HSD11B1: variants seen among roughly 807,000 people sequenced by gnomAD.
HSD11B1 encodes 11-beta-hydroxysteroid dehydrogenase 1.
Under a neutral mutation model 22.1 loss-of-function variants are expected in HSD11B1, and 15 were observed. That is an observed-to-expected ratio of 0.68 (90% CI 0.45 to 1.04). The LOEUF (loss-of-function observed/expected upper bound fraction) is 1.04. HSD11B1 is among the 50% of genes least tolerant of loss of function. HSD11B1 has a pLI of 0.00. For missense variants in HSD11B1, 281 were observed against 357.6 expected (o/e 0.79, Z 1.73); for synonymous variants, 122 against 125.2 (o/e 0.97, Z 0.17).
chr1:209,720,791 A>AT (rs367719396), intron 4 of HSD11B1, among the ~76,000 whole-genome samples: 110 of 152,264 alleles, frequency 7.2e-4, no homozygotes, highest in African/African-American at 2.3e-3. Context: ...TAACATGGAT[A>AT]TGTCAGTATT....
intron 4 of HSD11B1, among the ~76,000 whole-genome samples, chr1:209,721,047 G>A (rs1461305148): frequency 6.6e-6 from 1 of 152,194 alleles, no homozygotes; most frequent in African/African-American, 2.4e-5. Flanking sequence ...GGAAAGTAGA[G>A]ATTGTGATGT....
chr1:209,717,355 G>A (rs578190408), intron 4 of HSD11B1, among the ~76,000 whole-genome samples: 1 of 152,102 alleles, frequency 6.6e-6, no homozygotes, highest in Admixed American at 6.5e-5. Flanking sequence ...ACTACTATGA[G>A]ATATCATCTT....
chr1:209,734,511 T>A lies in HSD11B1; in HGVS notation c.869T>A (p.Ile290Lys). 3.7e-6 allele frequency: 6 copies of A among 1,613,000 alleles called. No homozygotes were observed. The highest frequency in any genetic ancestry group is 5.1e-6 in the Non-Finnish European group (6 of 1,179,148). ...YSTSYNMDRF[I>K]NK ...ACGAGCTATAATATGGACAGATTCATAAACAAGTAGGAACTCCCTGAGGGC... is the reference window on the plus strand; with the variant it reads ...ACGAGCTATAATATGGACAGATTCAAAAACAAGTAGGAACTCCCTGAGGGC... Residue 290 changes from isoleucine (I) to lysine (K), a missense_variant, in exon 6 of 6, where the codon ATA becomes AAA. Physicochemically the swap from Ile to Lys is moderately radical, Grantham distance 102 (BLOSUM62 -3). Coordinates refer to ENST00000367027, the MANE Select transcript of HSD11B1 (RefSeq NM_005525.4).
chr1:209,693,775 C>A (rs1412260130), intron 1 of HSD11B1, among the ~76,000 whole-genome samples: 9 of 152,344 alleles, frequency 5.9e-5, no homozygotes, highest in African/African-American at 2.2e-4. Context: ...TCTTTCAGAT[C>A]TCCATGCTTC....
chr1:209,709,313 A>C (rs1310468294), intron 4 of HSD11B1, among the ~76,000 whole-genome samples: 1 of 152,206 alleles, frequency 6.6e-6, no homozygotes, highest in Admixed American at 6.5e-5. Context: ...CCTCTGTAGC[A>C]TTAACAGAGA....
At chr1:209,701,543 T>C (rs919945757), upstream of HSD11B1, among the ~76,000 whole-genome samples, 1 of 152,170 alleles carries the variant, frequency 6.6e-6, no homozygotes, top group Non-Finnish European at 1.5e-5. Context: ...CCTCTCCTGT[T>C]TCAACGTTGC....
chr1:209,723,998 A>G (rs1216727735), intron 4 of HSD11B1: 2 of 152,110 alleles, frequency 1.3e-5, no homozygotes, highest in African/African-American at 2.4e-5. Flanking sequence ...GGGCCCTGGG[A>G]ATACAGTGGG....
intron 4 of HSD11B1, among the ~76,000 whole-genome samples, chr1:209,731,689 T>C (rs2077036700): frequency 6.6e-6 from 1 of 152,148 alleles, no homozygotes; most frequent in Non-Finnish European, 1.5e-5. Flanking sequence ...AAAAAGCGGC[T>C]TTGGGTAGAA....
intron 4 of HSD11B1, among the ~76,000 whole-genome samples, chr1:209,715,894 C>T (rs1457460257): frequency 3.9e-5 from 6 of 152,124 alleles, no homozygotes; most frequent in Admixed American, 3.3e-4. Context: ...AAAGTACTAC[C>T]CTGTGCAACA....
intron 4 of HSD11B1, among the ~76,000 whole-genome samples, chr1:209,710,470 C>T (rs940107654): frequency 1.3e-5 from 2 of 152,184 alleles, no homozygotes; most frequent in African/African-American, 2.4e-5. Flanking sequence ...CAGAACTCAC[C>T]AGAGCCATTT....
At chr1:209,697,707 A>T (rs1181757199) in intron 1 of HSD11B1, among the ~76,000 whole-genome samples, 2 of 152,008 alleles carry the variant, frequency 1.3e-5, no homozygotes, top group Non-Finnish European at 2.9e-5. Context: ...CACTTTGGTA[A>T]AGGTAGACCA....
In HSD11B1 at chr1:209,723,378, T is replaced by A. The variant is rs538463830; in HGVS notation, c.518-9058T>A. Reference sequence around the variant, plus strand: ...TGAGCACATACACTGGCACATTTTTTAAAAAAAACTGGCAGTCTAACAAGT... The same window carrying A: ...TGAGCACATACACTGGCACATTTTTAAAAAAAAACTGGCAGTCTAACAAGT... On this transcript the variant is annotated intron_variant, in intron 4 of 5. Coordinates refer to ENST00000367027, the MANE Select transcript of HSD11B1 (RefSeq NM_005525.4). Among the ~76,000 whole-genome samples, 157 of 152,124 alleles carry A rather than the reference T, an allele frequency of 1.0e-3. 1 individual carries two copies. Among genetic ancestry groups the A allele is most frequent in the Middle Eastern group, 3.4e-3 (1 of 294 alleles).
chr1:209,721,396 T>A (rs1168274785), intron 4 of HSD11B1, among the ~76,000 whole-genome samples: 2 of 145,648 alleles, frequency 1.4e-5, no homozygotes, highest in Non-Finnish European at 1.5e-5. Flanking sequence ...CTCAAATGGC[T>A]CAGCAGAAAA....
chr1:209,695,724 T>C (rs2076786836), intron 1 of HSD11B1, among the ~76,000 whole-genome samples: 1 of 152,170 alleles, frequency 6.6e-6, no homozygotes, highest in Non-Finnish European at 1.5e-5. Context: ...GGAGAATCGC[T>C]TGAACCTGGG....
intron 4 of HSD11B1, among the ~76,000 whole-genome samples, chr1:209,731,575 C>G (rs1286258760): frequency 6.6e-6 from 1 of 152,184 alleles, no homozygotes; most frequent in Non-Finnish European, 1.5e-5. Context: ...CTACTCTCCC[C>G]TCCTAAAAAG....
chr1:209,728,140 T>C (rs949397515), intron 4 of HSD11B1, among the ~76,000 whole-genome samples: 4 of 152,254 alleles, frequency 2.6e-5, no homozygotes, highest in African/African-American at 4.8e-5. Flanking sequence ...TCCTTCATAG[T>C]ATATGCCTCC....
upstream of HSD11B1, among the ~76,000 whole-genome samples, chr1:209,702,038 T>C (rs1411428253): frequency 2.6e-5 from 4 of 152,224 alleles, 1 homozygote; most frequent in African/African-American, 9.6e-5. Flanking sequence ...ATGGTCAGTG[T>C]ATTACAAAGG....
intron 1 of HSD11B1, among the ~76,000 whole-genome samples, chr1:209,698,167 TTAGATAGATAGA>T (rs3059689): frequency 0.018 from 2,651 of 146,688 alleles, 52 homozygotes; most frequent in South Asian, 0.042. Context: ...GATAGATAGA[TTAGATAGATAGA>T]TAGATAGATA....
At chr1:209,690,802 A>G (rs1571862772) in intron 1 of HSD11B1, among the ~76,000 whole-genome samples, 1 of 152,158 alleles carries the variant, frequency 6.6e-6, no homozygotes, top group African/African-American at 2.4e-5. Flanking sequence ...AAAAAATAAG[A>G]CATAGAAAGA....
Sources: gnomAD v4.1 joint callset for allele counts (sites outside exome capture counted in the v4.1 genomes callset) on GRCh38, gnomAD v4.1.1 for gene constraint, MANE v1.5 for transcripts, NCBI Gene and HGNC (gene_info 2026-07-23, HGNC 2026-07-21) for gene names.